The following PIGU variants were observed in gnomAD, a reference collection of about 807,000 sequenced individuals.
PIGU encodes the protein GPI-anchor transamidase component PIGU.
Under a neutral mutation model 49.9 loss-of-function variants are expected in PIGU, and 24 were observed. The observed-to-expected ratio is 0.48, with a 90% CI of 0.35 to 0.68. PIGU has a LOEUF of 0.68. Among genes scored for constraint, PIGU ranks in the 30% least tolerant of loss-of-function variants. The pLI is 0.01. For synonymous variants in PIGU, 220 were observed against 205.7 expected (o/e 1.07, Z -0.59); for missense variants, 490 against 532.6 (o/e 0.92, Z 0.79).
rs184087895 is a variant in PIGU at position 34,651,224 on chromosome 20, T to C, written c.196-5890A>G. On this transcript the variant is annotated intron_variant, in intron 2 of 11. Transcript: ENST00000217446. ...TACCCTTACTCCTAGAGTGTAGTCCTTCAGAAGTTCCAGCCTAAAGGCAAG... is the reference window on the plus strand; with the variant it reads ...TACCCTTACTCCTAGAGTGTAGTCCCTCAGAAGTTCCAGCCTAAAGGCAAG... 8.2e-3 allele frequency among the ~76,000 whole-genome samples: 1,254 copies of C among 152,346 alleles called. 25 individuals carry two copies. Among genetic ancestry groups the C allele is most frequent in the African/African-American group, 0.029 (1,213 of 41,572 alleles).
chr20:34,632,580 T>G (rs922898775), intron 6 of PIGU, among the ~76,000 whole-genome samples: 4 of 152,066 alleles, frequency 2.6e-5, no homozygotes, highest in Admixed American at 2.6e-4. Flanking sequence ...TTGACCAGGC[T>G]GGTCTTGAAC....
At chr20:34,570,693 G>A (rs1383405847) in intron 11 of PIGU, among the ~76,000 whole-genome samples, 3 of 152,106 alleles carry the variant, frequency 2.0e-5, no homozygotes, top group South Asian at 2.1e-4. Context: ...CACCGCGCCC[G>A]GCCGCATAAG....
intron 7 of PIGU, among the ~76,000 whole-genome samples, chr20:34,608,177 C>T (rs935458849): frequency 2.0e-5 from 3 of 150,008 alleles, no homozygotes; most frequent in South Asian, 2.1e-4. Context: ...CAGGTTCAAG[C>T]GATTCTCGTG....
intron 2 of PIGU, among the ~76,000 whole-genome samples, chr20:34,656,688 C>G (rs1387446508): frequency 6.6e-6 from 1 of 151,072 alleles, no homozygotes; most frequent in Non-Finnish European, 1.5e-5. Flanking sequence ...ATCGCTTGAG[C>G]CCAGGAGGTC....
At chr20:34,611,668 C>CA (rs149027105) in intron 7 of PIGU, among the ~76,000 whole-genome samples, 42,969 of 106,324 alleles carry the variant, frequency 0.4, 7,649 homozygotes, top group Admixed American at 0.54. Flanking sequence ...AAAAAAAAGA[C>CA]AAAAAAAAAA....
At chr20:34,637,059 A>G (rs562535047) in intron 5 of PIGU, among the ~76,000 whole-genome samples, 2 of 152,162 alleles carry the variant, frequency 1.3e-5, no homozygotes, top group East Asian at 3.9e-4. Flanking sequence ...TGGTGGGAAG[A>G]AAAAAAAGCC....
At chr20:34,667,783 G>A (rs1200717112) in intron 1 of PIGU, among the ~76,000 whole-genome samples, 1 of 147,230 alleles carries the variant, frequency 6.8e-6, no homozygotes, top group African/African-American at 2.7e-5. Flanking sequence ...AAATTAGTAG[G>A]CAAAAATTTA....
At chr20:34,671,996 G>C (rs1216121990) in intron 1 of PIGU, among the ~76,000 whole-genome samples, 1 of 152,012 alleles carries the variant, frequency 6.6e-6, no homozygotes. Context: ...GCAGTGGCAC[G>C]ATCTCGGCTC....
chr20:34,673,282 G>A (rs993454381), intron 1 of PIGU, among the ~76,000 whole-genome samples: 1 of 149,728 alleles, frequency 6.7e-6, no homozygotes, highest in Non-Finnish European at 1.5e-5. Context: ...AATGTAAAAT[G>A]TCATGTGAAA....
intron 6 of PIGU, among the ~76,000 whole-genome samples, chr20:34,632,419 A>C (rs1985815645): frequency 6.7e-6 from 1 of 149,506 alleles, no homozygotes; most frequent in Non-Finnish European, 1.5e-5. Context: ...CCCATGCTGG[A>C]GTGCAGTGGC....
At chr20:34,585,663 T>C in intron 8 of PIGU, 83 bp from the exon 9 acceptor site, 1 of 1,496,186 alleles carries the variant, frequency 6.7e-7, no homozygotes, top group South Asian at 1.2e-5. Flanking sequence ...CTGAAGACTT[T>C]GGTCACTGCT....
chr20:34,674,158 C>T (rs1227344092), intron 1 of PIGU, among the ~76,000 whole-genome samples: 1 of 152,030 alleles, frequency 6.6e-6, no homozygotes, highest in Non-Finnish European at 1.5e-5. Context: ...GAGTTTAAGA[C>T]CAGACTAGCC....
At chr20:34,624,070 A>G (rs1259521687) in intron 6 of PIGU, among the ~76,000 whole-genome samples, 1 of 152,050 alleles carries the variant, frequency 6.6e-6, no homozygotes, top group Non-Finnish European at 1.5e-5. Flanking sequence ...AACAATCATG[A>G]GGTCTCTTTT....
intron 2 of PIGU, among the ~76,000 whole-genome samples, chr20:34,646,070 A>T (rs1986335115): frequency 6.6e-6 from 1 of 152,158 alleles, no homozygotes; most frequent in East Asian, 1.9e-4. Flanking sequence ...AGTTTGTATA[A>T]TATTTTTTTC....
chr20:34,582,198 A>C (rs1374390835), intron 9 of PIGU, among the ~76,000 whole-genome samples: 2 of 152,230 alleles, frequency 1.3e-5, no homozygotes, highest in Non-Finnish European at 2.9e-5. Context: ...TGTGAACTGC[A>C]CAGAGCTTTT....
chr20:34,676,986 C>A lies in PIGU; in HGVS notation c.100G>T (p.Val34Leu). The A allele has an allele frequency of 6.3e-7, 1 of 1,580,990 alleles. No homozygotes were observed. The highest frequency in any genetic ancestry group is 1.3e-5 in the African/African-American group (1 of 74,732). ...LAEFISERVE[V>L]VSPLSSWKRV... is the part of the protein sequence containing the mutation. ...TTCCAAGAGCTCAGTGGGGACACCACCTCCACCCGCTCGGAAATGAACTCG... is the reference window on the plus strand; with the variant it reads ...TTCCAAGAGCTCAGTGGGGACACCAACTCCACCCGCTCGGAAATGAACTCG... The change falls in exon 1 of 12, where the codon GTG becomes TTG. Residue 34 changes from valine to leucine, a missense_variant. Physicochemically the swap from Val to Leu is conservative, Grantham distance 32 (BLOSUM62 1). Transcript: ENST00000217446.
chr20:34,633,757 G>A (rs1026470176), intron 6 of PIGU, among the ~76,000 whole-genome samples: 29 of 151,802 alleles, frequency 1.9e-4, no homozygotes, highest in African/African-American at 3.9e-4. Flanking sequence ...TTTTAGTAGC[G>A]ATGGGGTTTC....
At chr20:34,574,603 C>T (rs1296291218) in intron 11 of PIGU, among the ~76,000 whole-genome samples, 3 of 152,178 alleles carry the variant, frequency 2.0e-5, no homozygotes, top group Non-Finnish European at 4.4e-5. Context: ...GACCGGCCCC[C>T]TTCTCCTCTG....
At chr20:34,666,727 C>T (rs1194319157) in intron 1 of PIGU, among the ~76,000 whole-genome samples, 4 of 125,896 alleles carry the variant, frequency 3.2e-5, no homozygotes, top group Non-Finnish European at 4.8e-5. Context: ...GACAGAGTCT[C>T]GCTCTGTCAC....
Sources: allele counts gnomAD v4.1 joint callset (sites outside exome capture counted in the v4.1 genomes callset), GRCh38; gene constraint gnomAD v4.1.1; transcripts MANE v1.5; gene names NCBI Gene and HGNC (gene_info 2026-07-23, HGNC 2026-07-21).